Variants in TASP1 observed in about 807,000 individuals in gnomAD.
TASP1 encodes the protein threonine aspartase 1.
A neutral mutation model predicts 56.6 loss-of-function variants in TASP1; 16 were observed. The ratio of observed to expected loss-of-function variants is 0.28; its 90% CI spans 0.19 to 0.43. The LOEUF (loss-of-function observed/expected upper bound fraction) is 0.43. TASP1 is among the 20% of genes least tolerant of loss of function. The pLI is 1.00. For missense variants in TASP1, 393 were observed against 511.6 expected (o/e 0.77, Z 2.24); for synonymous variants, 179 against 184.2 (o/e 0.97, Z 0.23).
At chr20:13,263,816 T>C in the TASP1 span, among the ~76,000 whole-genome samples, 2 of 152,248 alleles carry the variant, frequency 1.3e-5, no homozygotes, top group Non-Finnish European at 2.9e-5. Context: ...GATATATTGC[T>C]AATTAACTAT....
At chr20:13,267,315 G>A in the TASP1 span, among the ~76,000 whole-genome samples, 1 of 152,214 alleles carries the variant, frequency 6.6e-6, no homozygotes, top group East Asian at 1.9e-4. Flanking sequence ...CTGGGGGGCA[G>A]GGCGGTTCGG....
the TASP1 span, among the ~76,000 whole-genome samples, chr20:13,305,187 C>A: frequency 1.5e-5 from 2 of 130,368 alleles, no homozygotes; most frequent in Non-Finnish European, 3.2e-5. Flanking sequence ...GATTTTAATA[C>A]CGTTGAGTTG....
At chr20:13,117,872 C>A in the TASP1 span, 2 of 672,282 alleles carry the variant, frequency 3.0e-6, no homozygotes, top group Non-Finnish European at 4.9e-6. Context: ...GGTTCACAGC[C>A]AGATAAGGCC....
the TASP1 span, among the ~76,000 whole-genome samples, chr20:13,341,981 C>T: frequency 6.6e-6 from 1 of 152,204 alleles, no homozygotes; most frequent in South Asian, 2.1e-4. Flanking sequence ...TGCAACACCC[C>T]TTGAAGCCTA....
chr20:13,478,079 A>G (rs2043005066), intron 11 of TASP1, among the ~76,000 whole-genome samples: 1 of 152,158 alleles, frequency 6.6e-6, no homozygotes, highest in African/African-American at 2.4e-5. Flanking sequence ...AAAAATCTTT[A>G]TTTTAGTAAG....
At chr20:13,296,701 G>C in the TASP1 span, among the ~76,000 whole-genome samples, 1 of 152,176 alleles carries the variant, frequency 6.6e-6, no homozygotes, top group Non-Finnish European at 1.5e-5. Context: ...GTGAAGGAGA[G>C]AAGCTTAATC....
chr20:13,243,810 C>T, the TASP1 span, among the ~76,000 whole-genome samples: 1 of 152,184 alleles, frequency 6.6e-6, no homozygotes, highest in South Asian at 2.1e-4. Flanking sequence ...ATTGTTACAA[C>T]CCATTTGATA....
the TASP1 span, among the ~76,000 whole-genome samples, chr20:13,276,188 A>G: frequency 2.6e-5 from 4 of 152,158 alleles, no homozygotes; most frequent in South Asian, 8.3e-4. Context: ...CTCTCTGGAA[A>G]ATACCTGCCC....
the TASP1 span, among the ~76,000 whole-genome samples, chr20:13,132,655 C>T: frequency 6.6e-6 from 1 of 152,246 alleles, no homozygotes; most frequent in East Asian, 1.9e-4. Flanking sequence ...TGAAAGAATT[C>T]TTCTCGCTAT....
chr20:13,295,709 A>G, the TASP1 span, among the ~76,000 whole-genome samples: 2,090 of 152,324 alleles, frequency 0.014, 21 homozygotes, highest in African/African-American at 0.032. Context: ...CTCCTACAAA[A>G]GAAGAAAGGA....
intron 7 of TASP1, among the ~76,000 whole-genome samples, chr20:13,569,285 T>C (rs1377254730): frequency 6.6e-6 from 1 of 152,120 alleles, no homozygotes; most frequent in Admixed American, 6.5e-5. Context: ...AGGGATCTTT[T>C]AGTAATACTT....
the TASP1 span, among the ~76,000 whole-genome samples, chr20:13,378,405 G>C: frequency 6.6e-6 from 1 of 152,148 alleles, no homozygotes; most frequent in African/African-American, 2.4e-5. Context: ...TCTTAATCCT[G>C]AGTTCTAATT....
intron 11 of TASP1, among the ~76,000 whole-genome samples, chr20:13,475,167 T>A (rs2044675658): frequency 6.6e-6 from 1 of 152,174 alleles, no homozygotes; most frequent in Admixed American, 6.6e-5. Flanking sequence ...AACTTCTTTC[T>A]CTCCTTTATA....
intron 11 of TASP1, among the ~76,000 whole-genome samples, chr20:13,448,412 A>G (rs1450553447): frequency 6.6e-6 from 1 of 152,112 alleles, no homozygotes; most frequent in Admixed American, 6.6e-5. Context: ...ACATTATCTT[A>G]AACATCAGCT....
At chr20:13,488,010 TA>T (rs2043389256) in intron 10 of TASP1, among the ~76,000 whole-genome samples, 1 of 151,038 alleles carries the variant, frequency 6.6e-6, no homozygotes, top group African/African-American at 2.4e-5. Flanking sequence ...TGTAGTACAA[TA>T]AGAAAAAGAA....
chr20:13,209,325 A>T, the TASP1 span, among the ~76,000 whole-genome samples: 1 of 152,226 alleles, frequency 6.6e-6, no homozygotes, highest in Non-Finnish European at 1.5e-5. Flanking sequence ...AAACCAAGCT[A>T]ATATACACAG....
At chr20:13,437,332 T>A (rs2043039765) in intron 11 of TASP1, among the ~76,000 whole-genome samples, 1 of 152,150 alleles carries the variant, frequency 6.6e-6, no homozygotes, top group Non-Finnish European at 1.5e-5. Context: ...AAACTCTCAA[T>A]AAATTAGGTA....
intron 1 of TASP1, among the ~76,000 whole-genome samples, chr20:13,635,857 C>T (rs1185433041): frequency 5.9e-5 from 9 of 152,218 alleles, no homozygotes; most frequent in Admixed American, 5.9e-4. Flanking sequence ...CAGGGACTTT[C>T]ATGGCACTAA....
rs139710416 is a variant in TASP1, at chr20:13,502,469, C to T, written c.875-19132G>A. On this transcript the variant is annotated intron_variant, in intron 10 of 13. Coordinates refer to ENST00000337743, the MANE Select transcript of TASP1 (RefSeq NM_017714.3). ...AAGAAGTAAAACACAGAGGACTATA[C>T]AACATATGATACCATAGACCTATAG... is the stretch of plus-strand genomic sequence containing the variant. Among the ~76,000 whole-genome samples the T allele has an allele frequency of 4.0e-3, 616 of 152,144 alleles. 4 individuals carry two copies. Among genetic ancestry groups the T allele is most frequent in the Non-Finnish European group, 7.0e-3 (474 of 67,990 alleles).
Sources: allele counts gnomAD v4.1 joint callset (sites outside exome capture counted in the v4.1 genomes callset), GRCh38; gene constraint gnomAD v4.1.1; transcripts MANE v1.5; gene names NCBI Gene and HGNC (gene_info 2026-07-23, HGNC 2026-07-21).